ARHGEF7: variants seen among roughly 807,000 people sequenced by gnomAD.
ARHGEF7 encodes PAK-interacting exchange factor beta.
ARHGEF7 carries 33 observed loss-of-function variants against 109.8 expected under a neutral mutation model. The observed-to-expected ratio is 0.30, with a 90% CI of 0.23 to 0.40. The LOEUF is 0.40. ARHGEF7 is among the 10% of genes least tolerant of loss of function. The probability of loss-of-function intolerance (pLI) is 1.00; values close to 1 mark genes in which losing one functional copy is unlikely to be tolerated. For missense variants in ARHGEF7, 938 were observed against 1,098.5 expected (o/e 0.85, Z 2.07); for synonymous variants, 458 against 424.6 (o/e 1.08, Z -0.97).
chr13:111,249,124 C>T (rs898014518), intron 8 of ARHGEF7, among the ~76,000 whole-genome samples: 14 of 152,200 alleles, frequency 9.2e-5, no homozygotes, highest in African/African-American at 1.9e-4. Flanking sequence ...TCACACTCAC[C>T]GTGGGTTTCC....
intron 9 of ARHGEF7, among the ~76,000 whole-genome samples, chr13:111,271,275 G>T (rs1015302937): frequency 3.9e-5 from 6 of 152,200 alleles, no homozygotes; most frequent in Non-Finnish European, 8.8e-5. Flanking sequence ...AGGGGCGGGG[G>T]ACAGTGGCTG....
At chr13:111,141,533 T>C (rs1045288486) in intron 1 of ARHGEF7, among the ~76,000 whole-genome samples, 2 of 152,138 alleles carry the variant, frequency 1.3e-5, no homozygotes, top group African/African-American at 4.8e-5. Context: ...CTCCAAAAGT[T>C]TTATCTTTTC....
At chr13:111,250,250 G>T (rs1422174269) in intron 8 of ARHGEF7, among the ~76,000 whole-genome samples, 1 of 152,160 alleles carries the variant, frequency 6.6e-6, no homozygotes, top group Non-Finnish European at 1.5e-5. Context: ...ACTGTCATTT[G>T]TGTTGTGAGG....
intron 2 of ARHGEF7, among the ~76,000 whole-genome samples, chr13:111,198,515 C>T (rs1403984457): frequency 6.6e-6 from 1 of 152,096 alleles, no homozygotes; most frequent in Non-Finnish European, 1.5e-5. Context: ...TGTGGTCTCG[C>T]TGACTTCAGG....
intron 2 of ARHGEF7, among the ~76,000 whole-genome samples, chr13:111,158,740 A>G (rs767534723): frequency 1.3e-5 from 2 of 152,196 alleles, no homozygotes; most frequent in African/African-American, 4.8e-5. Flanking sequence ...TTTTGTTTTT[A>G]AATTGACAAA....
chr13:111,221,574 C>T (rs4771736), intron 5 of ARHGEF7, among the ~76,000 whole-genome samples: 68 of 95,672 alleles, frequency 7.1e-4, no homozygotes, highest in South Asian at 1.7e-3. Flanking sequence ...TATATAGATA[C>T]ATATCTATAT....
Position 111,128,240 on chromosome 13 carries a change from C to T in ARHGEF7, c.165+12549C>T, listed in dbSNP as rs533070835. Reference sequence around the variant, plus strand: ...TCAAGCAAGAAAAAGAAACCAAAGCCATCTAGATTGAAAAGGAAGAAGTAA... The same window carrying T: ...TCAAGCAAGAAAAAGAAACCAAAGCTATCTAGATTGAAAAGGAAGAAGTAA... On this transcript the variant is annotated intron_variant, in intron 1 of 21. Transcript: ENST00000646102. Among the ~76,000 whole-genome samples, 130 of 152,324 alleles carry T rather than the reference C, an allele frequency of 8.5e-4. 1 individual carries two copies. Among genetic ancestry groups the T allele is most frequent in the Middle Eastern group, 3.4e-3 (1 of 294 alleles).
chr13:111,298,597 A>G (rs1350624801), intron 19 of ARHGEF7, among the ~76,000 whole-genome samples: 1 of 152,244 alleles, frequency 6.6e-6, no homozygotes, highest in African/African-American at 2.4e-5. Flanking sequence ...TAGGGCTGAT[A>G]CTACCAGCCT....
intron 2 of ARHGEF7, among the ~76,000 whole-genome samples, chr13:111,181,200 C>A (rs1213383422): frequency 6.6e-6 from 1 of 151,650 alleles, no homozygotes; most frequent in Non-Finnish European, 1.5e-5. Context: ...GGATCATGGT[C>A]AAGAGTTTGA....
At chr13:111,125,508 C>G (rs776926876) in intron 1 of ARHGEF7, among the ~76,000 whole-genome samples, 54 of 151,824 alleles carry the variant, frequency 3.6e-4, no homozygotes, top group Non-Finnish European at 6.9e-4. Flanking sequence ...TATTAAATTG[C>G]CTTTGTCTAA....
chr13:111,147,690 C>CTTTTTTTTTTT (rs11463808), intron 1 of ARHGEF7, among the ~76,000 whole-genome samples: 2 of 82,394 alleles, frequency 2.4e-5, no homozygotes, highest in African/African-American at 5.1e-5. Context: ...CAGAGGTCAC[C>CTTTTTTTTTTT]TTTTTTTTTT....
At chr13:111,274,079 G>GT (rs1009185143) in intron 10 of ARHGEF7, 127 bp downstream of exon 10, 1 of 1,186,250 alleles carries the variant, frequency 8.4e-7, no homozygotes, top group East Asian at 2.6e-5. Context: ...TTTACAAAGA[G>GT]TTTTGTTAAA....
intron 2 of ARHGEF7, among the ~76,000 whole-genome samples, chr13:111,201,547 AT>A (rs1742488287): frequency 1.3e-5 from 2 of 152,176 alleles, no homozygotes; most frequent in South Asian, 4.1e-4. Context: ...GTTATTTTGC[AT>A]TTTTAAAAGT....
intron 4 of ARHGEF7, 137 bp downstream of exon 4, chr13:111,210,139 C>T: frequency 8.8e-7 from 1 of 1,142,738 alleles, no homozygotes; most frequent in Non-Finnish European, 1.2e-6. Context: ...CTCCGTTGTG[C>T]CTGTAATCTG....
intron 5 of ARHGEF7, among the ~76,000 whole-genome samples, chr13:111,225,949 A>G (rs895558147): frequency 6.6e-5 from 10 of 152,250 alleles, no homozygotes; most frequent in African/African-American, 1.9e-4. Context: ...AACCTTAGTG[A>G]GGAAGGCATG....
rs1418697018 is a variant in ARHGEF7 at position 111,133,757 on chromosome 13, TTTTCTTTATATA to T, written c.165+18068_165+18079del. ...GACTGGGATGGGGCAGAGAATCTGC[TTTTCTTTATATA>T]TATATATATATATATATATATATAT... On this transcript the variant is annotated intron_variant, in intron 1 of 21. Coordinates refer to ENST00000646102, the MANE Select transcript of ARHGEF7 (RefSeq NM_001354046.2). Among the ~76,000 whole-genome samples, 278 of 115,822 alleles carry T rather than the reference TTTTCTTTATATA, an allele frequency of 2.4e-3. 2 individuals carry two copies. The highest frequency in any genetic ancestry group is 8.3e-3 in the Middle Eastern group (2 of 240). The allele number at this position is 115,822 out of a possible 152,430, so 76.0% of individuals were successfully genotyped here. A position where few individuals can be genotyped will look rare whatever the true frequency, so the allele number is the denominator to read the frequency against.
intron 2 of ARHGEF7, among the ~76,000 whole-genome samples, chr13:111,201,075 C>T (rs549739232): frequency 6.6e-6 from 1 of 152,282 alleles, no homozygotes; most frequent in African/African-American, 2.4e-5. Context: ...TCTTCTGAAC[C>T]TAGGACTTGA....
intron 4 of ARHGEF7, among the ~76,000 whole-genome samples, chr13:111,212,209 A>T (rs2082583024): frequency 6.6e-6 from 1 of 152,146 alleles, no homozygotes; most frequent in South Asian, 2.1e-4. Context: ...ACTGCTTTGC[A>T]CTGCAGTGGA....
At chr13:111,163,708 A>AT (rs1045480012) in intron 2 of ARHGEF7, among the ~76,000 whole-genome samples, 2 of 151,768 alleles carry the variant, frequency 1.3e-5, no homozygotes, top group East Asian at 1.9e-4. Flanking sequence ...TAATTTTTGT[A>AT]TTTTTTTGTA....
Sources: allele counts gnomAD v4.1 joint callset (sites outside exome capture counted in the v4.1 genomes callset), GRCh38; gene constraint gnomAD v4.1.1; transcripts MANE v1.5; gene names NCBI Gene and HGNC (gene_info 2026-07-23, HGNC 2026-07-21).